NDUFS4: variants seen among roughly 807,000 people sequenced by gnomAD.
NDUFS4 encodes the protein NADH:ubiquinone oxidoreductase subunit S4.
Under a neutral mutation model 24.3 loss-of-function variants are expected in NDUFS4, and 28 were observed. The observed-to-expected ratio is 1.15, with a 90% CI of 0.85 to 1.58. The LOEUF (loss-of-function observed/expected upper bound fraction) is 1.58. Among genes scored for constraint, NDUFS4 ranks in the 40% most tolerant of loss-of-function variants. The probability of loss-of-function intolerance (pLI) is 0.00; values close to 1 mark genes in which losing one functional copy is unlikely to be tolerated. For synonymous variants in NDUFS4, 93 were observed against 69.7 expected, an observed-to-expected ratio of 1.34 and a Z score of -1.67; for missense variants, 223 against 207.9, an observed-to-expected ratio of 1.07 and a Z score of -0.45.
chr5:53,656,788 T>A (rs1433947530), intron 3 of NDUFS4, among the ~76,000 whole-genome samples: 2 of 152,252 alleles, frequency 1.3e-5, no homozygotes, highest in East Asian at 3.9e-4. Flanking sequence ...TAGGAAGACA[T>A]CTTGGTGAAG....
intron 1 of NDUFS4, among the ~76,000 whole-genome samples, chr5:53,577,962 G>A (rs1749440273): frequency 1.3e-5 from 2 of 152,108 alleles, no homozygotes; most frequent in Non-Finnish European, 2.9e-5. Context: ...TCTCTTCAGT[G>A]ATACTGCCTA....
At chr5:53,664,587 TGC>T (rs1320977544) in intron 4 of NDUFS4, among the ~76,000 whole-genome samples, 2 of 152,216 alleles carry the variant, frequency 1.3e-5, no homozygotes, top group East Asian at 3.8e-4. Flanking sequence ...CATTTGATCT[TGC>T]CTCACTGATA....
At chr5:53,617,808 G>GA (rs1750893070) in intron 2 of NDUFS4, among the ~76,000 whole-genome samples, 1 of 152,080 alleles carries the variant, frequency 6.6e-6, no homozygotes, top group African/African-American at 2.4e-5. Flanking sequence ...GAGATACATG[G>GA]GATAATGGCA....
intron 2 of NDUFS4, among the ~76,000 whole-genome samples, chr5:53,623,247 G>T (rs1429160478): frequency 6.6e-6 from 1 of 152,138 alleles, no homozygotes; most frequent in Non-Finnish European, 1.5e-5. Context: ...ATACACAAAG[G>T]TTCCAGTTTC....
chr5:53,597,043 C>T (rs1448291589), intron 1 of NDUFS4, among the ~76,000 whole-genome samples: 2 of 152,172 alleles, frequency 1.3e-5, no homozygotes, highest in Non-Finnish European at 2.9e-5. Flanking sequence ...ACAATTTGGG[C>T]AGGTTTTGCC....
chr5:53,646,519 T>C (rs904961747), intron 3 of NDUFS4, 114 bp downstream of exon 3: 11 of 1,104,060 alleles, frequency 1.0e-5, no homozygotes, highest in African/African-American at 3.1e-5. Context: ...ACAGTACTTT[T>C]TGACGCTGTT....
chr5:53,659,038 A>G (rs1030617448), intron 4 of NDUFS4, among the ~76,000 whole-genome samples: 5 of 152,142 alleles, frequency 3.3e-5, no homozygotes, highest in Admixed American at 3.3e-4. Context: ...CTATTAATCT[A>G]TTTAATAACT....
At chr5:53,570,027 G>A (rs1406599253) in intron 1 of NDUFS4, among the ~76,000 whole-genome samples, 1 of 152,068 alleles carries the variant, frequency 6.6e-6, no homozygotes, top group Non-Finnish European at 1.5e-5. Context: ...TCCTTTTGGT[G>A]TATACTTCTT....
At chr5:53,602,145 A>G (rs536527966) in intron 1 of NDUFS4, among the ~76,000 whole-genome samples, 3 of 152,132 alleles carry the variant, frequency 2.0e-5, no homozygotes, top group African/African-American at 2.4e-5. Flanking sequence ...TCATTACCCA[A>G]TGTTTTTCTT....
rs1161229395 is a variant in NDUFS4, at chr5:53,603,423, C to A, written c.99-29C>A. Reference sequence around the variant, plus strand: ...TGTCTCTCCTCTCATTGCCTGGATCCTTTTTTAACTTAAAGTCTTGCACTG... The same window carrying A: ...TGTCTCTCCTCTCATTGCCTGGATCATTTTTTAACTTAAAGTCTTGCACTG... On this transcript the variant is annotated intron_variant, in intron 1 of 4. Coordinates refer to ENST00000296684, the MANE Select transcript of NDUFS4 (RefSeq NM_002495.4). 1.9e-6 allele frequency: 3 copies of A among 1,574,272 alleles called. No homozygotes were observed. In the Admixed American group the frequency reaches 5.1e-5, roughly 27 times the overall value.
chr5:53,605,113 C>T (rs1274317535), intron 2 of NDUFS4, among the ~76,000 whole-genome samples: 3 of 152,018 alleles, frequency 2.0e-5, no homozygotes, highest in African/African-American at 7.3e-5. Flanking sequence ...CTCAGCTACT[C>T]AGGAGGCTGA....
At position 53,631,881 on chromosome 5, in the gene NDUFS4, A is replaced by T. The variant is rs143769693; in HGVS notation, c.178-14352A>T. On this transcript the variant is annotated intron_variant, in intron 2 of 4. Coordinates refer to ENST00000296684, the MANE Select transcript of NDUFS4 (RefSeq NM_002495.4). ...TCCTGGACTGCCGATTGCGAAGACC[A>T]TGGGAAAAAGCACAGTATCTGGGCA... Among the ~76,000 whole-genome samples the T allele has an allele frequency of 3.4e-3, 518 of 152,302 alleles. 2 individuals carry two copies. Among genetic ancestry groups the T allele is most frequent in the African/African-American group, 0.011 (462 of 41,570 alleles).
intron 3 of NDUFS4, among the ~76,000 whole-genome samples, chr5:53,656,006 CTG>C (rs1414144949): frequency 3.9e-5 from 6 of 152,074 alleles, no homozygotes; most frequent in Non-Finnish European, 8.8e-5. Flanking sequence ...GCTCCCTGCT[CTG>C]TGGATACTCT....
intron 2 of NDUFS4, among the ~76,000 whole-genome samples, chr5:53,646,030 G>A (rs1038104221): frequency 6.6e-6 from 1 of 152,068 alleles, no homozygotes; most frequent in Admixed American, 6.6e-5. Context: ...TCTCCACTAC[G>A]TCCCCCTAAA....
chr5:53,605,889 C>G (rs1750483070), intron 2 of NDUFS4, among the ~76,000 whole-genome samples: 1 of 151,968 alleles, frequency 6.6e-6, no homozygotes, highest in Non-Finnish European at 1.5e-5. Flanking sequence ...CGGTGTGTGT[C>G]TGTAGTCCCA....
chr5:53,594,281 A>G lies in NDUFS4; in HGVS notation c.99-9171A>G, dbSNP rs2112445716. Among the ~76,000 whole-genome samples the G allele has an allele frequency of 1.3e-5, 2 of 152,202 alleles. 1 individual carries two copies. Among genetic ancestry groups the G allele is most frequent in the South Asian group, 4.1e-4 (2 of 4,828 alleles). On this transcript the variant is annotated intron_variant, in intron 1 of 4. Coordinates refer to ENST00000296684, the MANE Select transcript of NDUFS4 (RefSeq NM_002495.4). ...TTGGAGAACTGACCCCTTTATCACT[A>G]TCACCTTCTTCATCCCTGATAATTT...
intron 4 of NDUFS4, among the ~76,000 whole-genome samples, chr5:53,677,437 CCT>C: frequency 6.6e-6 from 1 of 152,128 alleles, no homozygotes; most frequent in East Asian, 1.9e-4. Flanking sequence ...GTATCCGAAA[CCT>C]CTGTTATTTC....
intron 3 of NDUFS4, among the ~76,000 whole-genome samples, chr5:53,652,145 A>G (rs1752038982): frequency 6.6e-6 from 1 of 152,198 alleles, no homozygotes; most frequent in Non-Finnish European, 1.5e-5. Flanking sequence ...AGGGTTTAAC[A>G]GACATCTAAC....
chr5:53,603,977 T>C (rs1750417414), intron 2 of NDUFS4, among the ~76,000 whole-genome samples: 1 of 152,152 alleles, frequency 6.6e-6, no homozygotes, highest in Non-Finnish European at 1.5e-5. Flanking sequence ...CACACACATT[T>C]TATTTCTTCA....
Sources: gnomAD v4.1 joint callset for allele counts (sites outside exome capture counted in the v4.1 genomes callset) on GRCh38, gnomAD v4.1.1 for gene constraint, MANE v1.5 for transcripts, NCBI Gene and HGNC (gene_info 2026-07-23, HGNC 2026-07-21) for gene names.